Variants in NID1 observed in about 807,000 individuals in gnomAD.
NID1 encodes nidogen 1, also known as nidogen-1.
In NID1, 76 loss-of-function variants were observed where a neutral mutation model predicts 130.6. That is an observed-to-expected ratio of 0.58 (90% CI 0.48 to 0.70). NID1 has a LOEUF of 0.70. NID1 is among the 30% of genes least tolerant of loss of function. The pLI is 0.00. For missense variants in NID1, 1,517 were observed against 1,664.8 expected (o/e 0.91, Z 1.54); for synonymous variants, 665 against 675.1 (o/e 0.98, Z 0.23).
At chr1:236,021,487 C>T (rs116278866) in intron 9 of NID1, among the ~76,000 whole-genome samples, 3,194 of 152,268 alleles carry the variant, frequency 0.021, 104 homozygotes, top group African/African-American at 0.071. Flanking sequence ...AAGCCAACAC[C>T]GCGAGGCCCT....
In NID1 at chr1:235,978,582, C is replaced by G. The variant is rs115297388; in HGVS notation, c.3622+413G>C. 3.4e-3 allele frequency among the ~76,000 whole-genome samples: 515 copies of G among 152,308 alleles called. 4 individuals carry two copies. Among genetic ancestry groups the G allele is most frequent in the African/African-American group, 0.012 (489 of 41,558 alleles). The stretch of plus-strand genomic sequence containing the variant: ...TAACAAATACAAAGTATTTAGAACT[C>G]TAAGTGAGTTGATATATGTAAAGTT... On this transcript the variant is annotated intron_variant, in intron 19 of 19. Transcript: ENST00000264187.
rs1357772151 is a variant in NID1 at position 235,980,511 on chromosome 1, A to G, written c.3370T>C (p.Cys1124Arg). ...TTTCCATCACCTGCATCCACCCAGC[A>G]GAGCTGAGATGAGAACGCATCGAAG... is the stretch of plus-strand genomic sequence containing the variant. ...LTFDAFSSQLCWVDAGTNRAE... is the reference protein window; with the variant it reads ...LTFDAFSSQLRWVDAGTNRAE... Residue 1124 changes from cysteine to arginine, a missense_variant, in exon 17 of 20, where the codon TGC becomes CGC. Physicochemically the swap from Cys to Arg is radical, Grantham distance 180. Coordinates refer to ENST00000264187, the MANE Select transcript of NID1 (RefSeq NM_002508.3). The G allele has an allele frequency of 6.2e-7, 1 of 1,614,050 alleles. No homozygotes were observed. The highest frequency in any genetic ancestry group is 1.3e-5 in the African/African-American group (1 of 74,938).
At chr1:236,055,067 G>T (rs909533007) in intron 1 of NID1, among the ~76,000 whole-genome samples, 2 of 152,160 alleles carry the variant, frequency 1.3e-5, no homozygotes, top group Non-Finnish European at 2.9e-5. Context: ...CACTTTGGGA[G>T]GCCGAGGTGG....
Position 236,042,043 on chromosome 1 carries a change from C to T in NID1, c.1002G>A (p.Pro334=), listed in dbSNP as rs146353651. The T allele has an allele frequency of 4.8e-4, 775 of 1,614,130 alleles. 3 individuals are homozygous for T. In the African/African-American group the frequency reaches 7.4e-3, roughly 15 times the overall value. ...GGGGCCTTTCGGTAGCTGCCCGGCGCGGGGAGAGGACGCTGGGCACACTGT... is the reference window on the plus strand; with the variant it reads ...GGGGCCTTTCGGTAGCTGCCCGGCGTGGGGAGAGGACGCTGGGCACACTGT... ...DTYSVPSVLS[P]RRAATERPLG... The change falls in exon 4 of 20, where the codon CCG becomes CCA. Residue 334 remains proline, a synonymous_variant. Coordinates refer to ENST00000264187, the MANE Select transcript of NID1 (RefSeq NM_002508.3).
intron 7 of NID1, among the ~76,000 whole-genome samples, chr1:236,027,477 C>G (rs796687109): frequency 1.1e-3 from 160 of 152,104 alleles, no homozygotes; most frequent in Non-Finnish European, 1.8e-3. Flanking sequence ...AGAACTCAAC[C>G]AAGCCACAAA....
intron 7 of NID1, among the ~76,000 whole-genome samples, chr1:236,027,172 G>A (rs1003676938): frequency 1.3e-5 from 2 of 152,162 alleles, no homozygotes; most frequent in African/African-American, 4.8e-5. Flanking sequence ...CCTGAACAGA[G>A]GAGAGGAGAG....
At chr1:235,992,373 T>C (rs1657777336) in intron 13 of NID1, among the ~76,000 whole-genome samples, 1 of 152,182 alleles carries the variant, frequency 6.6e-6, no homozygotes, top group African/African-American at 2.4e-5. Context: ...CCAGGGACTG[T>C]CAAGCCTGCC....
At chr1:236,005,821 C>T (rs1042632074) in intron 12 of NID1, among the ~76,000 whole-genome samples, 3 of 152,190 alleles carry the variant, frequency 2.0e-5, no homozygotes, top group Admixed American at 1.3e-4. Flanking sequence ...ATCCAGCCTG[C>T]ACTTTCTAAT....
In NID1 at chr1:235,979,760, C is replaced by T; in HGVS notation, c.3509+62G>A. On this transcript the variant is annotated intron_variant, in intron 18 of 19. Transcript: ENST00000264187. This position sits in a 1 kb window ranked among gnomAD's most constrained non-coding sequence, Gnocchi z 4.6. The stretch of plus-strand genomic sequence containing the variant: ...AGAGGCCAGATGGGAAGGGCCTGGC[C>T]TCCCAGAGACAGTGGGTGGAGGGGC... 3.1e-6 allele frequency: 5 copies of T among 1,597,024 alleles called. No individual in the cohort carries two copies. The South Asian group carries it at 5.5e-5, about 18-fold the overall frequency.
intron 9 of NID1, among the ~76,000 whole-genome samples, chr1:236,021,703 G>A (rs1658770169): frequency 6.6e-6 from 1 of 152,094 alleles, no homozygotes; most frequent in Non-Finnish European, 1.5e-5. Flanking sequence ...CATCCCACCA[G>A]GGAAGCTTAC....
chr1:236,031,871 A>G (rs1430517866), intron 6 of NID1, among the ~76,000 whole-genome samples: 2 of 152,226 alleles, frequency 1.3e-5, no homozygotes, highest in African/African-American at 4.8e-5. Context: ...AAAAAACTCC[A>G]AGGATATCTA....
chr1:235,986,240 T>C (rs540243703), intron 14 of NID1, among the ~76,000 whole-genome samples: 2 of 152,302 alleles, frequency 1.3e-5, no homozygotes, highest in African/African-American at 4.8e-5. Context: ...ATAAAAGGCA[T>C]ACATATTGAA....
intron 13 of NID1, among the ~76,000 whole-genome samples, chr1:235,991,864 C>T (rs975731244): frequency 2.0e-5 from 3 of 152,180 alleles, no homozygotes; most frequent in South Asian, 2.1e-4. Flanking sequence ...TGCACTCTGT[C>T]CCAGTGCCAC....
At chr1:235,981,399 T>G (rs1454230369) in intron 16 of NID1, among the ~76,000 whole-genome samples, 1 of 152,208 alleles carries the variant, frequency 6.6e-6, no homozygotes, top group African/African-American at 2.4e-5. Flanking sequence ...GGCAAAAGAT[T>G]TGAAAGTGGG....
In NID1 at chr1:236,024,147, G is replaced by A; in HGVS notation, c.2051C>T (p.Ala684Val). 1.2e-6 allele frequency: 2 copies of A among 1,614,246 alleles called. No homozygotes were observed. The highest frequency in any genetic ancestry group is 1.7e-6 in the Non-Finnish European group (2 of 1,180,046). The change falls in exon 9 of 20, where the codon GCC becomes GTC. Residue 684 changes from alanine to valine, a missense_variant. This residue lies in a region of NID1 where 1,329 missense variants were observed against 1,429.2 expected (regional missense o/e 0.93). Coordinates refer to ENST00000264187, the MANE Select transcript of NID1 (RefSeq NM_002508.3). ...IGTHGCDTNA[A>V]CRPGPRTQFT... ...CTGTGTCCTGGGACCAGGGCGACAG[G>A]CCGCGTTGGTGTCACACCCATGAGT... is the stretch of plus-strand genomic sequence containing the variant.
At chr1:236,027,640 G>A (rs1044248167) in intron 7 of NID1, among the ~76,000 whole-genome samples, 1 of 152,110 alleles carries the variant, frequency 6.6e-6, no homozygotes, top group Admixed American at 6.5e-5. Context: ...ACCAGCCTGG[G>A]CAACATGGAG....
intron 9 of NID1, among the ~76,000 whole-genome samples, chr1:236,022,878 C>A (rs933605661): frequency 4.6e-5 from 7 of 151,524 alleles, no homozygotes; most frequent in Admixed American, 2.0e-4. Flanking sequence ...GCCTGGCCAA[C>A]ATGGTGAAAG....
At chr1:236,025,452 G>C (rs1433804402) in intron 8 of NID1, among the ~76,000 whole-genome samples, 2 of 151,842 alleles carry the variant, frequency 1.3e-5, no homozygotes, top group African/African-American at 4.8e-5. Context: ...AGTAGATACA[G>C]GGTTTCACCA....
At chr1:236,013,170 A>T (rs1214695031) in intron 11 of NID1, among the ~76,000 whole-genome samples, 1 of 152,222 alleles carries the variant, frequency 6.6e-6, no homozygotes, top group East Asian at 1.9e-4. Flanking sequence ...GCAGGTGTCT[A>T]ATTGTCACCT....
Sources: gnomAD v4.1 joint callset for allele counts (sites outside exome capture counted in the v4.1 genomes callset) on GRCh38, gnomAD v4.1.1 for gene constraint, gnomAD v4.1.1 regional missense constraint, Gnocchi (gnomAD v3.1) non-coding constraint, MANE v1.5 for transcripts, NCBI Gene and HGNC (gene_info 2026-07-23, HGNC 2026-07-21) for gene names.